L3MBTL1: variants seen among roughly 807,000 people sequenced by gnomAD.
L3MBTL1 encodes the protein L3MBTL histone methyl-lysine binding protein 1, also known as lethal(3)malignant brain tumor-like protein 1.
Under a neutral mutation model 105.3 loss-of-function variants are expected in L3MBTL1, and 75 were observed. The ratio of observed to expected loss-of-function variants is 0.71; its 90% CI spans 0.59 to 0.86. The LOEUF (loss-of-function observed/expected upper bound fraction) is 0.86, where lower values mean the gene tolerates loss of function less well. Among genes scored for constraint, L3MBTL1 ranks in the 40% least tolerant of loss-of-function variants. L3MBTL1 has a pLI of 0.00. For missense variants in L3MBTL1, 1,069 were observed against 1,126.4 expected (o/e 0.95, Z 0.73); for synonymous variants, 452 against 436.2 (o/e 1.04, Z -0.45).
downstream of L3MBTL1, among the ~76,000 whole-genome samples, chr20:43,546,765 T>G (rs1003172105): frequency 3.3e-5 from 5 of 152,208 alleles, no homozygotes; most frequent in Admixed American, 1.3e-4. Flanking sequence ...TACTAATATT[T>G]TCCATATTTG....
chr20:43,511,216 C>G (rs2018127388), intron 1 of L3MBTL1, among the ~76,000 whole-genome samples: 1 of 152,174 alleles, frequency 6.6e-6, no homozygotes, highest in Admixed American at 6.5e-5. Context: ...CCAAGCCGGC[C>G]CCATACACTG....
chr20:43,515,004 C>G lies in L3MBTL1; in HGVS notation c.503-5C>G. The G allele has an allele frequency of 1.2e-6, 2 of 1,613,178 alleles. No homozygotes were observed. Among genetic ancestry groups the G allele is most frequent in the Non-Finnish European group, 1.7e-6 (2 of 1,179,448 alleles). On this transcript the variant is annotated splice_region_variant and splice_polypyrimidine_tract_variant and intron_variant, in intron 4 of 21. Transcript: ENST00000418998. ...GGAGGCCTGAGGCCCATTTGGCCCC[C>G]GCAGAGGACCACCCCCAGAATCCTC...
Position 43,532,837 on chromosome 20 carries a change from C to T in L3MBTL1, c.1349C>T (p.Ser450Phe), listed in dbSNP as rs774731219. ...GAGGCTGTTGACCGCATGAACCCGTCCCTTGTCTGCGTGGCCAGTGTGACC... is the reference window on the plus strand; with the variant it reads ...GAGGCTGTTGACCGCATGAACCCGTTCCTTGTCTGCGTGGCCAGTGTGACC... ...KLEAVDRMNP[S>F]LVCVASVTDV... Residue 450 changes from serine (S) to phenylalanine (F), a missense_variant, in exon 12 of 22, where the codon TCC becomes TTC. Physicochemically the swap from Ser to Phe is radical, Grantham distance 155. Transcript: ENST00000418998. 1 of 1,614,230 alleles carries T rather than the reference C, an allele frequency of 6.2e-7. No homozygotes were observed. The highest frequency in any genetic ancestry group is 1.7e-5 in the Admixed American group (1 of 60,026).
At chr20:43,537,674 A>G (rs917887008) in intron 19 of L3MBTL1, among the ~76,000 whole-genome samples, 3 of 152,142 alleles carry the variant, frequency 2.0e-5, no homozygotes, top group African/African-American at 7.2e-5. Context: ...ATCTTCAGCC[A>G]CTAGTACAGG....
intron 1 of L3MBTL1, among the ~76,000 whole-genome samples, chr20:43,510,406 CTTTT>C (rs11476429): frequency 4.7e-5 from 6 of 127,566 alleles, no homozygotes; most frequent in African/African-American, 1.4e-4. Context: ...TTCTTTCTTT[CTTTT>C]TTTTTTTTTT....
chr20:43,535,881 C>G lies in L3MBTL1; in HGVS notation c.1870C>G (p.Leu624Val). Residue 624 changes from leucine (L) to valine (V), a missense_variant, in exon 17 of 22, where the codon CTC becomes GTC. Transcript: ENST00000418998. ...TGCCTCCCCTGGGGGCTGTCCCCCT[C>G]TCAGCTATAGGAGCCTGCCCCACAC... ...SSASPGGCPP[L>V]SYRSLPHTRT... The G allele has an allele frequency of 6.2e-7, 1 of 1,612,948 alleles. No individual in the cohort carries two copies. The highest frequency in any genetic ancestry group is 8.5e-7 in the Non-Finnish European group (1 of 1,179,492).
chr20:43,543,070 C>T (rs941491062), downstream of L3MBTL1, among the ~76,000 whole-genome samples: 6 of 151,216 alleles, frequency 4.0e-5, no homozygotes, highest in South Asian at 2.1e-4. Context: ...CAACTACAGT[C>T]GAACCAAATT....
At position 43,516,112 on chromosome 20, in the gene L3MBTL1, A is replaced by G. The variant is rs753341503; in HGVS notation, c.797A>G (p.Lys266Arg). Residue 266 changes from lysine to arginine, a missense_variant, in exon 7 of 22, where the codon AAG (lysine) becomes AGG (arginine). Transcript: ENST00000418998. ...PEAMEKQEEG[K>R]DPEGQPTAST... ...CTACAGGAGAAGCAAGAAGAAGGAA[A>G]GGACCCAGAGGGACAACCCACTGCT... The G allele has an allele frequency of 1.2e-6, 2 of 1,614,008 alleles. No homozygotes were observed. Among genetic ancestry groups the G allele is most frequent in the Non-Finnish European group, 1.7e-6 (2 of 1,179,892 alleles).
chr20:43,518,863 A>AC (rs2018550337), intron 7 of L3MBTL1, among the ~76,000 whole-genome samples: 1 of 122,750 alleles, frequency 8.1e-6, no homozygotes, highest in Non-Finnish European at 2.0e-5. Flanking sequence ...AAAAAAAAAA[A>AC]AAAAAAAAAA....
Position 43,536,175 on chromosome 20 carries a change from C to T in L3MBTL1, c.2004C>T (p.Cys668=). The T allele has an allele frequency of 6.2e-7, 1 of 1,613,634 alleles. No homozygotes were observed. The highest frequency in any genetic ancestry group is 8.5e-7 in the Non-Finnish European group (1 of 1,179,986). The change falls in exon 18 of 22, where the codon TGC becomes TGT. Residue 668 remains cysteine (C), a synonymous_variant. Transcript: ENST00000418998. ...CAGCTCACCATTGCCTCTCAGGCTGCCCACTGGCTGAGAGGAACCAGAGCC... is the reference window on the plus strand; with the variant it reads ...CAGCTCACCATTGCCTCTCAGGCTGTCCACTGGCTGAGAGGAACCAGAGCC... ...KFTAHHCLSG[C]PLAERNQSRL... is the part of the protein sequence containing the mutation.
chr20:43,537,893 A>G (rs984069695), intron 19 of L3MBTL1, among the ~76,000 whole-genome samples: 3 of 152,190 alleles, frequency 2.0e-5, no homozygotes, highest in Non-Finnish European at 4.4e-5. Context: ...ACAGGCTGAG[A>G]GATCTTGGGT....
At chr20:43,530,925 A>C in intron 11 of L3MBTL1, 36 bp downstream of exon 11, 1 of 1,544,640 alleles carries the variant, frequency 6.5e-7, no homozygotes, top group East Asian at 2.3e-5. Context: ...TGTCACTCCC[A>C]TGTGCCAGAG....
At chr20:43,543,617 T>A (rs1383505840), downstream of L3MBTL1, among the ~76,000 whole-genome samples, 1 of 152,204 alleles carries the variant, frequency 6.6e-6, no homozygotes, top group Non-Finnish European at 1.5e-5. Context: ...CTCCAGTGTC[T>A]GGCCCATGTC....
At chr20:43,535,004 T>G in intron 16 of L3MBTL1, 62 bp downstream of exon 16, 1 of 1,215,556 alleles carries the variant, frequency 8.2e-7, no homozygotes, top group Non-Finnish European at 1.2e-6. Context: ...AATCCTATAG[T>G]TTGCCTACAG....
At chr20:43,534,596 G>C in intron 15 of L3MBTL1, 1 of 611,470 alleles carries the variant, frequency 1.6e-6, no homozygotes, top group Non-Finnish European at 2.9e-6. Flanking sequence ...TCTGTAAAAT[G>C]GGCCTAATAA....
chr20:43,524,870 G>A (rs2018940845), intron 7 of L3MBTL1, among the ~76,000 whole-genome samples: 1 of 152,112 alleles, frequency 6.6e-6, no homozygotes, highest in Non-Finnish European at 1.5e-5. Flanking sequence ...GGCTGTGTGT[G>A]GTGTGGAAAG....
At chr20:43,519,014 A>G (rs929446979) in intron 7 of L3MBTL1, among the ~76,000 whole-genome samples, 4 of 150,900 alleles carry the variant, frequency 2.7e-5, no homozygotes, top group Non-Finnish European at 4.4e-5. Context: ...CAACAGACCA[A>G]GACTCTGTCT....
rs145310745 is a variant in L3MBTL1 at position 43,515,379 on chromosome 20, G to A, written c.741G>A (p.Gln247=). ...AGAAGAGGAAGCGCAGGGAATACCA[G>A]AGCCCATCAGAGGAGGAGTCGGAGC... ...PMKKRKRREY[Q]SPSEEESEPE... Residue 247 remains glutamine (Q), a synonymous_variant, in exon 6 of 22, where the codon CAG becomes CAA. Coordinates refer to ENST00000418998, the MANE Select transcript of L3MBTL1 (RefSeq NM_001377303.1). 2.6e-5 allele frequency: 40 copies of A among 1,559,722 alleles called. No homozygotes were observed. In the African/African-American group the frequency reaches 5.2e-4, roughly 20 times the overall value.
At chr20:43,516,911 A>G (rs2018423237) in intron 7 of L3MBTL1, among the ~76,000 whole-genome samples, 1 of 151,762 alleles carries the variant, frequency 6.6e-6, no homozygotes, top group Non-Finnish European at 1.5e-5. Flanking sequence ...TTCCACTTCA[A>G]CCTCCTGAGT....
Sources: gnomAD v4.1 joint callset for allele counts (sites outside exome capture counted in the v4.1 genomes callset) on GRCh38, gnomAD v4.1.1 for gene constraint, MANE v1.5 for transcripts, NCBI Gene and HGNC (gene_info 2026-07-23, HGNC 2026-07-21) for gene names.